Variants in ADGRL2 observed in about 807,000 individuals in gnomAD.
ADGRL2 encodes calcium-independent alpha-latrotoxin receptor 2.
In ADGRL2, 44 loss-of-function variants were observed where a neutral mutation model predicts 157.4. The ratio of observed to expected loss-of-function variants is 0.28; its 90% confidence interval spans 0.22 to 0.36. ADGRL2 has a LOEUF of 0.36. Among genes scored for constraint, ADGRL2 ranks in the 10% least tolerant of loss-of-function variants. ADGRL2 has a pLI of 1.00. For synonymous variants in ADGRL2, 585 were observed against 624.7 expected (o/e 0.94, Z 0.95); for missense variants, 1,510 against 1,768.9 (o/e 0.85, Z 2.63).
intron 1 of ADGRL2, among the ~76,000 whole-genome samples, chr1:81,829,498 G>A (rs1030617635): frequency 2.0e-5 from 3 of 152,128 alleles, no homozygotes; most frequent in Non-Finnish European, 2.9e-5. Context: ...AGTCCCTGAT[G>A]TTGTTTTGAA....
intron 1 of ADGRL2, among the ~76,000 whole-genome samples, chr1:81,431,558 A>C (rs142564583): frequency 3.5e-4 from 53 of 152,354 alleles, no homozygotes; most frequent in Middle Eastern, 3.4e-3. Context: ...TTTCAGGGTT[A>C]TGATGGAACT....
At chr1:81,979,037 C>G (rs1660928686) in intron 17 of ADGRL2, among the ~76,000 whole-genome samples, 2 of 151,696 alleles carry the variant, frequency 1.3e-5, no homozygotes, top group Admixed American at 6.6e-5. Context: ...TTCCAACATT[C>G]TGCCAGGTGT....
intron 3 of ADGRL2, among the ~76,000 whole-genome samples, chr1:81,918,243 C>A (rs183462399): frequency 6.6e-6 from 1 of 152,202 alleles, no homozygotes; most frequent in African/African-American, 2.4e-5. Flanking sequence ...CCTTCCTGAT[C>A]GTGACATAAA....
At chr1:81,453,059 A>G (rs921914933) in intron 2 of ADGRL2, among the ~76,000 whole-genome samples, 7 of 152,176 alleles carry the variant, frequency 4.6e-5, no homozygotes, top group Non-Finnish European at 2.9e-5. Context: ...TGGGAGCCTC[A>G]GGGGTAAAAG....
At chr1:81,580,537 G>A (rs755956608) in intron 2 of ADGRL2, among the ~76,000 whole-genome samples, 9 of 151,902 alleles carry the variant, frequency 5.9e-5, no homozygotes, top group Admixed American at 3.3e-4. Context: ...GGGTATGAAA[G>A]GTCAGGAGTG....
chr1:81,569,942 G>T (rs1422217201), intron 2 of ADGRL2, among the ~76,000 whole-genome samples: 1 of 152,142 alleles, frequency 6.6e-6, no homozygotes, highest in Non-Finnish European at 1.5e-5. Flanking sequence ...TATTGGCAGG[G>T]TGCCTAAGTT....
At chr1:81,666,704 A>C (rs1327257412) in intron 3 of ADGRL2, among the ~76,000 whole-genome samples, 1 of 152,282 alleles carries the variant, frequency 6.6e-6, no homozygotes, top group Admixed American at 6.5e-5. Flanking sequence ...ATTTGTTACC[A>C]GATAGAATGT....
At chr1:81,481,219 A>G (rs1185394749) in intron 2 of ADGRL2, among the ~76,000 whole-genome samples, 1 of 152,204 alleles carries the variant, frequency 6.6e-6, no homozygotes, top group Non-Finnish European at 1.5e-5. Context: ...TTCTAAACTA[A>G]GAAGCCCCAT....
chr1:81,841,470 G>A (rs1436579042), intron 2 of ADGRL2, among the ~76,000 whole-genome samples: 1 of 152,138 alleles, frequency 6.6e-6, no homozygotes, highest in Admixed American at 6.5e-5. Flanking sequence ...AGTGAAAACT[G>A]TTTCTGGCAT....
chr1:81,985,006 T>C (rs1309402791), intron 20 of ADGRL2, among the ~76,000 whole-genome samples: 1 of 152,060 alleles, frequency 6.6e-6, no homozygotes, highest in Non-Finnish European at 1.5e-5. Context: ...TATTGAATAA[T>C]CAGTGATCTC....
chr1:81,439,339 G>A (rs1164001995), intron 1 of ADGRL2, among the ~76,000 whole-genome samples: 1 of 152,216 alleles, frequency 6.6e-6, no homozygotes, highest in South Asian at 2.1e-4. Context: ...GAGCACTGTA[G>A]GTTTGAATCC....
intron 2 of ADGRL2, among the ~76,000 whole-genome samples, chr1:81,776,782 C>A (rs966268907): frequency 1.3e-5 from 2 of 152,106 alleles, no homozygotes; most frequent in African/African-American, 4.8e-5. Flanking sequence ...GAAAGATTGA[C>A]CTGGGCTCCA....
chr1:81,914,497 A>C (rs137906258), intron 3 of ADGRL2, among the ~76,000 whole-genome samples: 21 of 152,228 alleles, frequency 1.4e-4, no homozygotes, highest in Admixed American at 1.0e-3. Flanking sequence ...TCATTCTCTT[A>C]GGATCTAAGC....
chr1:81,664,505 T>C (rs1415870216), intron 3 of ADGRL2, among the ~76,000 whole-genome samples: 1 of 152,184 alleles, frequency 6.6e-6, no homozygotes, highest in Non-Finnish European at 1.5e-5. Flanking sequence ...GTGATTAGAA[T>C]ATGCATTCCA....
chr1:81,879,372 A>G (rs1313783061), intron 2 of ADGRL2, among the ~76,000 whole-genome samples: 1 of 152,178 alleles, frequency 6.6e-6, no homozygotes, highest in African/African-American at 2.4e-5. Flanking sequence ...TTTCTCTGCC[A>G]CTGAATTGCT....
chr1:81,329,636 G>T (rs958566323), intron 1 of ADGRL2, among the ~76,000 whole-genome samples: 13 of 152,104 alleles, frequency 8.5e-5, no homozygotes, highest in Non-Finnish European at 1.3e-4. Context: ...AGAAAAGAAA[G>T]CTCTAAATAT....
intron 3 of ADGRL2, among the ~76,000 whole-genome samples, chr1:81,661,184 G>T (rs1463855529): frequency 7.6e-6 from 1 of 132,268 alleles, no homozygotes; most frequent in Non-Finnish European, 1.6e-5. Flanking sequence ...ATTTCCATAA[G>T]CATTTTTTTT....
At position 81,809,393 on chromosome 1, in the gene ADGRL2, CATTT is replaced by C. The variant is rs2089572912; in HGVS notation, c.-101+8328_-101+8331del. ...TTCTGTTTTAAAATGCATTAAGTAA[CATTT>C]ATATATATTTTTAAATCTGATAAAA... On this transcript the variant is annotated intron_variant, in intron 1 of 23. Coordinates refer to ENST00000686636, the MANE Select transcript of ADGRL2 (RefSeq NM_001366006.2). 2.0e-5 allele frequency among the ~76,000 whole-genome samples: 3 copies of C among 151,796 alleles called. No homozygotes were observed. The South Asian group carries it at 6.2e-4, about 32-fold the overall frequency.
At chr1:81,889,418 T>C (rs1011291744) in intron 2 of ADGRL2, among the ~76,000 whole-genome samples, 1 of 152,212 alleles carries the variant, frequency 6.6e-6, no homozygotes, top group East Asian at 1.9e-4. Flanking sequence ...AGTCTCAAGA[T>C]TCTCTTAAGC....
Sources: gnomAD v4.1 joint callset for allele counts (sites outside exome capture counted in the v4.1 genomes callset) on GRCh38, gnomAD v4.1.1 for gene constraint, MANE v1.5 for transcripts, NCBI Gene and HGNC (gene_info 2026-07-23, HGNC 2026-07-21) for gene names.